SAMD7: variants seen among roughly 807,000 people sequenced by gnomAD.
SAMD7 encodes the protein sterile alpha motif domain containing 7.
A neutral mutation model predicts 36.7 loss-of-function variants in SAMD7; 34 were observed. That is an observed-to-expected ratio of 0.93 (90% CI 0.71 to 1.23). The LOEUF (loss-of-function observed/expected upper bound fraction) is 1.23. Among genes scored for constraint, SAMD7 ranks in the 50% most tolerant of loss-of-function variants. SAMD7 has a pLI of 0.00. For missense variants in SAMD7, 570 were observed against 546.6 expected, an observed-to-expected ratio of 1.04 and a Z score of -0.43; for synonymous variants, 188 against 189.7, an observed-to-expected ratio of 0.99 and a Z score of 0.07.
intron 7 of SAMD7, chr3:169,932,937 A>G (rs1713571629): frequency 1.5e-6 from 1 of 670,776 alleles, no homozygotes; most frequent in Non-Finnish European, 2.8e-6. Context: ...CTTGATAACA[A>G]CAAAAGCTTT....
At chr3:169,918,746 T>C (rs1402499015) in intron 2 of SAMD7, among the ~76,000 whole-genome samples, 1 of 152,234 alleles carries the variant, frequency 6.6e-6, no homozygotes, top group Admixed American at 6.5e-5. Flanking sequence ...CATTTTCTGG[T>C]GTTAAATCTT....
At chr3:169,937,716 C>G (rs1230190949) in intron 8 of SAMD7, among the ~76,000 whole-genome samples, 1 of 152,152 alleles carries the variant, frequency 6.6e-6, no homozygotes. Flanking sequence ...CTGCAATGAA[C>G]ATATGTGTGC....
intron 7 of SAMD7, among the ~76,000 whole-genome samples, chr3:169,931,212 T>C (rs1050464826): frequency 2.0e-5 from 3 of 152,206 alleles, no homozygotes; most frequent in Non-Finnish European, 4.4e-5. Context: ...TAAAATATCC[T>C]CTCTCTAAAA....
At chr3:169,932,183 C>T (rs569445216) in intron 7 of SAMD7, 19 of 661,136 alleles carry the variant, frequency 2.9e-5, no homozygotes, top group South Asian at 1.9e-4. Flanking sequence ...TTGGACCACA[C>T]GTTGCAGTCT....
intron 8 of SAMD7, among the ~76,000 whole-genome samples, chr3:169,937,007 A>G (rs1713743918): frequency 6.6e-6 from 1 of 152,208 alleles, no homozygotes; most frequent in South Asian, 2.1e-4. Context: ...AGGTAAAAAC[A>G]ATTAAAAAGT....
chr3:169,924,416 A>T (rs1713171826), intron 4 of SAMD7, among the ~76,000 whole-genome samples: 1 of 151,884 alleles, frequency 6.6e-6, no homozygotes, highest in Non-Finnish European at 1.5e-5. Context: ...GTGAAACCCC[A>T]TTTCTACTAA....
rs777252398 is a variant in SAMD7 at position 169,911,578 on chromosome 3, A to G, written c.-360A>G. 8 of 152,248 alleles carry G rather than the reference A, an allele frequency of 5.3e-5. No homozygotes were observed. Among genetic ancestry groups the G allele is most frequent in the Non-Finnish European group, 8.8e-5 (6 of 68,046 alleles). 9.4% of individuals were successfully genotyped at this position (152,248 alleles called of 1,614,324 possible). A position where few individuals can be genotyped will look rare whatever the true frequency, so the allele number is the denominator to read the frequency against. ...CTTGCAGGGCACTTTCCTTGGGCTTAACATCTTTTAGCCTATCTGTAGAGG... is the reference window on the plus strand; with the variant it reads ...CTTGCAGGGCACTTTCCTTGGGCTTGACATCTTTTAGCCTATCTGTAGAGG... On this transcript the variant is annotated 5_prime_UTR_variant, in exon 1 of 9. Coordinates refer to ENST00000335556, the MANE Select transcript of SAMD7 (RefSeq NM_001304366.2).
Position 169,927,119 on chromosome 3 carries a change from T to G in SAMD7, c.857T>G (p.Ile286Ser). 6.3e-7 allele frequency: 1 copy of G among 1,577,580 alleles called. No homozygotes were observed. The highest frequency in any genetic ancestry group is 8.6e-7 in the Non-Finnish European group (1 of 1,168,140). ...DDGKEEASEQ[I>S]FATCDEKNGV... The stretch of plus-strand genomic sequence containing the variant: ...GGGAAAGAGGAGGCTTCGGAGCAGA[T>G]TTTTGCAACCTGTGATGAAAAGAAT... Residue 286 changes from isoleucine (I) to serine (S), a missense_variant, in exon 6 of 9, where the codon ATT becomes AGT. Transcript: ENST00000335556.
At chr3:169,931,862 G>T (rs74394701) in intron 7 of SAMD7, 2 of 197,978 alleles carry the variant, frequency 1.0e-5, no homozygotes, top group Non-Finnish European at 2.1e-5. Context: ...AGGACGCAAC[G>T]GGAACTGTGG....
chr3:169,930,578 C>CTT (rs772549629), intron 7 of SAMD7, among the ~76,000 whole-genome samples: 101 of 101,686 alleles, frequency 9.9e-4, no homozygotes, highest in African/African-American at 1.5e-3. Flanking sequence ...CCTTTCTTTT[C>CTT]TTTTTTTTTT....
At chr3:169,932,928 T>A in intron 7 of SAMD7, 1 of 660,430 alleles carries the variant, frequency 1.5e-6, no homozygotes, top group Admixed American at 2.0e-5. Context: ...CTCATCCTTC[T>A]TGATAACAAC....
chr3:169,926,125 C>T (rs1559951169), intron 5 of SAMD7: 1 of 506,430 alleles, frequency 2.0e-6, no homozygotes, highest in East Asian at 7.3e-5. Flanking sequence ...TTCCTCTGCT[C>T]TTCCCCAGCC....
In SAMD7 at chr3:169,938,547, A is replaced by C. The variant is rs753681796; in HGVS notation, c.*41A>C. 4 of 1,303,522 alleles carry C rather than the reference A, an allele frequency of 3.1e-6. No individual in the cohort carries two copies. In the African/African-American group the frequency reaches 5.9e-5, roughly 19 times the overall value. 80.7% of individuals were successfully genotyped at this position (1,303,522 alleles called of 1,614,324 possible). A position where few individuals can be genotyped will look rare whatever the true frequency, so the allele number is the denominator to read the frequency against. Reference sequence around the variant, plus strand: ...AAGAATAGTCTTAGCCAGTTTTCCAAAGAGCCTAGGATATTACAAAGGATG... The same window carrying C: ...AAGAATAGTCTTAGCCAGTTTTCCACAGAGCCTAGGATATTACAAAGGATG... On this transcript the variant is annotated 3_prime_UTR_variant, in exon 9 of 9. Coordinates refer to ENST00000335556, the MANE Select transcript of SAMD7 (RefSeq NM_001304366.2).
intron 5 of SAMD7, 36 bp downstream of exon 5, chr3:169,925,172 C>CATT (rs760800023): frequency 7.5e-7 from 1 of 1,341,532 alleles, no homozygotes; most frequent in East Asian, 2.3e-5. Context: ...ATTCTCTATT[C>CATT]ATTCACTTGC....
At chr3:169,931,704 C>T (rs1327892885) in intron 7 of SAMD7, among the ~76,000 whole-genome samples, 4 of 152,072 alleles carry the variant, frequency 2.6e-5, no homozygotes, top group African/African-American at 7.2e-5. Context: ...TGTTGGGGGA[C>T]GGCTGGCTCA....
intron 8 of SAMD7, among the ~76,000 whole-genome samples, chr3:169,937,596 T>G (rs2108267674): frequency 6.6e-6 from 1 of 152,318 alleles, no homozygotes; most frequent in African/African-American, 2.4e-5. Context: ...TCTCGTTCCT[T>G]TTTATGGCTG....
intron 7 of SAMD7, chr3:169,931,915 CT>C (rs781718173): frequency 4.3e-5 from 12 of 276,786 alleles, no homozygotes; most frequent in Non-Finnish European, 8.4e-5. Context: ...ATGATGGAAT[CT>C]CCTTACTAAC....
At chr3:169,915,037 G>A (rs1036138406) in intron 1 of SAMD7, among the ~76,000 whole-genome samples, 5 of 152,142 alleles carry the variant, frequency 3.3e-5, no homozygotes, top group African/African-American at 1.2e-4. Context: ...TTCTCAGTCT[G>A]AAGGTTTTCT....
intron 7 of SAMD7, among the ~76,000 whole-genome samples, chr3:169,929,432 G>A (rs1204844133): frequency 2.6e-5 from 4 of 152,108 alleles, no homozygotes; most frequent in African/African-American, 9.7e-5. Context: ...GATCTGTTTT[G>A]TGAAATGTTT....
Sources: gnomAD v4.1 joint callset for allele counts (sites outside exome capture counted in the v4.1 genomes callset) on GRCh38, gnomAD v4.1.1 for gene constraint, MANE v1.5 for transcripts, NCBI Gene and HGNC (gene_info 2026-07-23, HGNC 2026-07-21) for gene names.